The following SCHIP1 variants were observed in gnomAD, a reference collection of about 807,000 sequenced individuals.
SCHIP1 encodes the protein schwannomin interacting protein 1.
In SCHIP1, 8 loss-of-function variants were observed where a neutral mutation model predicts 29.7. That is an observed-to-expected ratio of 0.27 (90% CI 0.16 to 0.49). The LOEUF (loss-of-function observed/expected upper bound fraction) is 0.49. Ranked by LOEUF, SCHIP1 falls within the 20% of genes least tolerant of loss-of-function variation. SCHIP1 has a pLI of 0.99. For missense variants in SCHIP1, 193 were observed against 294.6 expected, an observed-to-expected ratio of 0.66 and a Z score of 2.52; for synonymous variants, 76 against 94.9, an observed-to-expected ratio of 0.80 and a Z score of 1.16.
At chr3:159,449,900 A>C in the SCHIP1 span, among the ~76,000 whole-genome samples, 2 of 152,092 alleles carry the variant, frequency 1.3e-5, no homozygotes, top group African/African-American at 2.4e-5. Flanking sequence ...GAAGAAAAAG[A>C]GAAGAAAAAG....
chr3:159,538,473 A>G, the SCHIP1 span, among the ~76,000 whole-genome samples: 6 of 152,262 alleles, frequency 3.9e-5, no homozygotes, highest in East Asian at 1.2e-3. Context: ...TTTAAGGGAT[A>G]TGATTTTTCT....
At chr3:159,828,019 A>G in the SCHIP1 span, among the ~76,000 whole-genome samples, 145 of 151,964 alleles carry the variant, frequency 9.5e-4, 3 homozygotes, top group African/African-American at 3.4e-3. Context: ...ATTGAAATCT[A>G]ATTTTTTTTT....
At chr3:159,614,208 G>T in the SCHIP1 span, among the ~76,000 whole-genome samples, 1 of 152,136 alleles carries the variant, frequency 6.6e-6, no homozygotes, top group Non-Finnish European at 1.5e-5. Context: ...GGAAGAAAAT[G>T]ATTGCATACA....
At chr3:159,428,381 C>T in the SCHIP1 span, among the ~76,000 whole-genome samples, 5 of 150,746 alleles carry the variant, frequency 3.3e-5, no homozygotes, top group Non-Finnish European at 7.4e-5. Context: ...AAAAAGTGGG[C>T]AAAGGACATG....
the SCHIP1 span, among the ~76,000 whole-genome samples, chr3:159,515,552 T>C: frequency 3.3e-5 from 5 of 152,356 alleles, no homozygotes; most frequent in East Asian, 3.9e-4. Context: ...AAATAAAATA[T>C]ATAGATTGCT....
At chr3:159,357,528 C>T in the SCHIP1 span, among the ~76,000 whole-genome samples, 1 of 152,116 alleles carries the variant, frequency 6.6e-6, no homozygotes, top group African/African-American at 2.4e-5. Context: ...TAGATTGTTT[C>T]AGAGGAAAAA....
chr3:159,362,903 C>T, the SCHIP1 span, among the ~76,000 whole-genome samples: 1 of 152,206 alleles, frequency 6.6e-6, no homozygotes, highest in African/African-American at 2.4e-5. Flanking sequence ...ATCCCCACCC[C>T]TGGATCAGCA....
chr3:159,727,892 T>C, the SCHIP1 span, among the ~76,000 whole-genome samples: 148 of 152,196 alleles, frequency 9.7e-4, 4 homozygotes, highest in South Asian at 9.5e-3. Context: ...TTCCTGTTTC[T>C]GCTCTTTCAG....
At chr3:159,338,859 CTG>C in the SCHIP1 span, among the ~76,000 whole-genome samples, 1 of 152,158 alleles carries the variant, frequency 6.6e-6, no homozygotes, top group African/African-American at 2.4e-5. Flanking sequence ...CTTGAGGAAT[CTG>C]TATCATCCAT....
the SCHIP1 span, among the ~76,000 whole-genome samples, chr3:159,784,440 A>T: frequency 1.2e-4 from 19 of 152,362 alleles, no homozygotes; most frequent in Admixed American, 1.2e-3. Context: ...TCCCTATGGA[A>T]CATTGTAGAT....
At chr3:159,840,207 C>T (rs991949176) in exon 1 of SCHIP1, 18 of 1,535,400 alleles carry the variant, frequency 1.2e-5, no homozygotes, top group Non-Finnish European at 1.6e-5. Context: ...GATAACTGCT[C>T]GTATCAGGTA....
the SCHIP1 span, among the ~76,000 whole-genome samples, chr3:159,785,091 C>G: frequency 6.6e-6 from 1 of 152,208 alleles, no homozygotes; most frequent in Non-Finnish European, 1.5e-5. Flanking sequence ...GGTATGGCTG[C>G]TTTGCTTCAT....
At chr3:159,354,919 G>T in the SCHIP1 span, among the ~76,000 whole-genome samples, 3 of 152,170 alleles carry the variant, frequency 2.0e-5, no homozygotes, top group African/African-American at 7.2e-5. Context: ...ATTTTGGAAA[G>T]ATTTCTTGCC....
At chr3:159,448,164 C>T in the SCHIP1 span, among the ~76,000 whole-genome samples, 71,200 of 151,922 alleles carry the variant, frequency 0.47, 18,746 homozygotes, top group African/African-American at 0.72. Context: ...TTCATGAGTG[C>T]GTAAGAGTTT....
At chr3:159,379,204 C>T in the SCHIP1 span, among the ~76,000 whole-genome samples, 1 of 150,864 alleles carries the variant, frequency 6.6e-6, no homozygotes, top group Non-Finnish European at 1.5e-5. Context: ...ACTAGAATAA[C>T]TAGGTGGGTT....
the SCHIP1 span, among the ~76,000 whole-genome samples, chr3:159,326,806 C>T: frequency 6.6e-6 from 1 of 152,216 alleles, no homozygotes. Context: ...ACTTTTACAG[C>T]TAGTTCTGGG....
the SCHIP1 span, among the ~76,000 whole-genome samples, chr3:159,453,746 GC>G: frequency 1.3e-5 from 2 of 152,188 alleles, no homozygotes; most frequent in East Asian, 3.9e-4. Context: ...TTGATTGAGT[GC>G]CTGACCCTTT....
At chr3:159,740,712 G>T in the SCHIP1 span, among the ~76,000 whole-genome samples, 1 of 131,596 alleles carries the variant, frequency 7.6e-6, no homozygotes, top group Non-Finnish European at 1.5e-5. Context: ...AGAGAGACAG[G>T]CCACTTCATT....
the SCHIP1 span, among the ~76,000 whole-genome samples, chr3:159,621,238 C>T: frequency 6.6e-6 from 1 of 152,168 alleles, no homozygotes; most frequent in Non-Finnish European, 1.5e-5. Context: ...CAGGAATCTG[C>T]AAGACTTGTA....
Sources: allele counts gnomAD v4.1 joint callset (sites outside exome capture counted in the v4.1 genomes callset), GRCh38; gene constraint gnomAD v4.1.1; transcripts MANE v1.5; gene names NCBI Gene and HGNC (gene_info 2026-07-23, HGNC 2026-07-21).